SGCZ: variants seen among roughly 807,000 people sequenced by gnomAD.
SGCZ encodes zeta-sarcoglycan.
A neutral mutation model predicts 41.3 loss-of-function variants in SGCZ; 40 were observed. That is an observed-to-expected ratio of 0.97 (90% CI 0.75 to 1.26). The LOEUF (loss-of-function observed/expected upper bound fraction) is 1.26. SGCZ is among the 50% of genes most tolerant of loss of function. The pLI is 0.00. For missense variants in SGCZ, 552 were observed against 369.8 expected, an observed-to-expected ratio of 1.49 and a Z score of -4.04; for synonymous variants, 206 against 137.5, an observed-to-expected ratio of 1.50 and a Z score of -3.49.
At chr8:14,568,282 T>C (rs1028316275) in intron 1 of SGCZ, among the ~76,000 whole-genome samples, 8 of 152,120 alleles carry the variant, frequency 5.3e-5, no homozygotes, top group South Asian at 2.1e-4. Flanking sequence ...ACCTAATGCA[T>C]GTAGGGCTTG....
At chr8:14,154,057 T>C (rs971733644) in intron 5 of SGCZ, among the ~76,000 whole-genome samples, 2 of 152,110 alleles carry the variant, frequency 1.3e-5, no homozygotes, top group Non-Finnish European at 2.9e-5. Flanking sequence ...CTCGAACTTC[T>C]AGCCTCTAGA....
At chr8:14,777,756 GAGAC>G (rs1384020761) in intron 1 of SGCZ, among the ~76,000 whole-genome samples, 2 of 152,168 alleles carry the variant, frequency 1.3e-5, no homozygotes, top group African/African-American at 4.8e-5. Flanking sequence ...GTGTGAGAGA[GAGAC>G]AGAGACACAG....
In SGCZ at chr8:14,088,829, C is replaced by T. The variant is rs994096304; in HGVS notation, c.*1614G>A. Among the ~76,000 whole-genome samples, 1 of 151,800 alleles carries T rather than the reference C, an allele frequency of 6.6e-6. No individual in the cohort carries two copies. Among genetic ancestry groups the T allele is most frequent in the Non-Finnish European group, 1.5e-5 (1 of 67,874 alleles). On this transcript the variant is annotated 3_prime_UTR_variant, in exon 8 of 8. Transcript: ENST00000382080. ...TGCCAATATTTCTACTTTCACTAAC[C>T]ACATCTTTTGCAACAAGTTCTAATC...
intron 1 of SGCZ, among the ~76,000 whole-genome samples, chr8:15,055,381 G>T (rs932144382): frequency 6.6e-6 from 1 of 151,920 alleles, no homozygotes; most frequent in South Asian, 2.1e-4. Flanking sequence ...CATAGTTATG[G>T]CAGACCTTGT....
chr8:14,301,739 T>A (rs1168299795), intron 3 of SGCZ, among the ~76,000 whole-genome samples: 2 of 152,156 alleles, frequency 1.3e-5, no homozygotes, highest in African/African-American at 4.8e-5. Context: ...AACTTGCAAT[T>A]TTTGGAAACA....
chr8:14,994,332 C>T (rs1360049826), intron 1 of SGCZ, among the ~76,000 whole-genome samples: 1 of 152,086 alleles, frequency 6.6e-6, no homozygotes. Context: ...GCCTGTAATC[C>T]CAGCACTTTG....
At chr8:14,821,630 C>A (rs376526847) in intron 1 of SGCZ, among the ~76,000 whole-genome samples, 1 of 152,036 alleles carries the variant, frequency 6.6e-6, no homozygotes, top group Non-Finnish European at 1.5e-5. Flanking sequence ...ATCAGGCGAA[C>A]CTGATTCTAT....
intron 2 of SGCZ, among the ~76,000 whole-genome samples, chr8:14,445,203 A>G (rs1181849447): frequency 1.3e-5 from 2 of 152,240 alleles, no homozygotes; most frequent in Non-Finnish European, 2.9e-5. Context: ...ACGGGTCCCC[A>G]GTAAAACTCC....
In SGCZ at chr8:14,947,793, T is replaced by G. The variant is rs193071794; in HGVS notation, c.39+289792A>C. Among the ~76,000 whole-genome samples, 1,491 of 152,294 alleles carry G rather than the reference T, an allele frequency of 9.8e-3. 24 individuals are homozygous for G. The highest frequency in any genetic ancestry group is 0.012 in the Non-Finnish European group (817 of 68,018). ...ATCAGGGCATCTCGTTCAGTATAAC[T>G]TTGACTGCAAGCACAGCATTAATGT... On this transcript the variant is annotated intron_variant, in intron 1 of 7. Transcript: ENST00000382080.
At chr8:14,658,327 G>T (rs529431379) in intron 1 of SGCZ, among the ~76,000 whole-genome samples, 2 of 152,086 alleles carry the variant, frequency 1.3e-5, no homozygotes, top group African/African-American at 4.8e-5. Context: ...TTGCAGTGTT[G>T]TCCTAACTAG....
chr8:14,565,697 A>G (rs1483596465), intron 1 of SGCZ, among the ~76,000 whole-genome samples: 1 of 152,110 alleles, frequency 6.6e-6, no homozygotes, highest in Non-Finnish European at 1.5e-5. Flanking sequence ...ACAAGAAAAC[A>G]TATTTGAAAA....
At chr8:14,393,679 C>T (rs1357446792) in intron 2 of SGCZ, among the ~76,000 whole-genome samples, 1 of 152,078 alleles carries the variant, frequency 6.6e-6, no homozygotes, top group Non-Finnish European at 1.5e-5. Context: ...CTTATTAAAC[C>T]TCTGTTGCTC....
chr8:14,954,415 G>C (rs1800733140), intron 1 of SGCZ, among the ~76,000 whole-genome samples: 1 of 152,022 alleles, frequency 6.6e-6, no homozygotes, highest in Non-Finnish European at 1.5e-5. Flanking sequence ...CCTGCCACTG[G>C]TTTCATTTTC....
At chr8:14,660,212 C>A (rs557004385) in intron 1 of SGCZ, among the ~76,000 whole-genome samples, 1 of 152,010 alleles carries the variant, frequency 6.6e-6, no homozygotes, top group Admixed American at 6.6e-5. Context: ...TTTTTGAAAG[C>A]CATTTTAGAC....
At chr8:14,831,801 C>CATGTATATATGTGTGCACATAT (rs1802541271) in intron 1 of SGCZ, among the ~76,000 whole-genome samples, 1 of 134,770 alleles carries the variant, frequency 7.4e-6, no homozygotes, top group African/African-American at 3.1e-5. Flanking sequence ...TGTACACATA[C>CATGTATATATGTGTGCACATAT]ATGTATATAT....
intron 1 of SGCZ, among the ~76,000 whole-genome samples, chr8:14,774,389 C>G (rs950922829): frequency 6.6e-6 from 1 of 152,196 alleles, no homozygotes; most frequent in African/African-American, 2.4e-5. Flanking sequence ...CTCTAACATA[C>G]TCCGCAACAG....
chr8:14,552,694 G>A (rs1803908648), intron 2 of SGCZ, among the ~76,000 whole-genome samples: 1 of 152,038 alleles, frequency 6.6e-6, no homozygotes, highest in Non-Finnish European at 1.5e-5. Flanking sequence ...GAGGACACAG[G>A]TGACTGTGTC....
intron 3 of SGCZ, among the ~76,000 whole-genome samples, chr8:14,314,773 G>A (rs577218928): frequency 4.3e-4 from 66 of 152,106 alleles, no homozygotes; most frequent in African/African-American, 1.5e-3. Context: ...AGCTTTTAGT[G>A]GACCCAGTTA....
intron 1 of SGCZ, among the ~76,000 whole-genome samples, chr8:15,192,505 T>A (rs375421993): frequency 6.6e-6 from 1 of 152,136 alleles, no homozygotes; most frequent in Non-Finnish European, 1.5e-5. Context: ...TGAGCATCAG[T>A]TGAAAATACT....
Sources: gnomAD v4.1 joint callset for allele counts (sites outside exome capture counted in the v4.1 genomes callset) on GRCh38, gnomAD v4.1.1 for gene constraint, MANE v1.5 for transcripts, NCBI Gene and HGNC (gene_info 2026-07-23, HGNC 2026-07-21) for gene names.